SLC44A5: variants seen among roughly 807,000 people sequenced by gnomAD.
The protein encoded by SLC44A5 is choline transporter-like protein 5.
SLC44A5 carries 57 observed loss-of-function variants against 101.8 expected under a neutral mutation model. The ratio of observed to expected loss-of-function variants is 0.56; its 90% CI spans 0.45 to 0.70. The LOEUF (loss-of-function observed/expected upper bound fraction) is 0.70. SLC44A5 is among the 30% of genes least tolerant of loss of function. The pLI is 0.00. For synonymous variants in SLC44A5, 281 were observed against 290.9 expected, an observed-to-expected ratio of 0.97 and a Z score of 0.35; for missense variants, 737 against 853.1, an observed-to-expected ratio of 0.86 and a Z score of 1.70.
chr1:75,234,842 C>A lies in SLC44A5; in HGVS notation c.741-744G>T, dbSNP rs557129009. Among the ~76,000 whole-genome samples the A allele has an allele frequency of 7.2e-5, 11 of 152,090 alleles. No homozygotes were observed. In the South Asian group the frequency reaches 2.3e-3, roughly 32 times the overall value. The stretch of plus-strand genomic sequence containing the variant: ...TGAACTACTAGAGAAGCTTCTTTTC[C>A]TCCCATATATCCAGGTTAAGGTCAC... On this transcript the variant is annotated intron_variant, in intron 11 of 23. Transcript: ENST00000370859.
At chr1:75,482,858 T>C (rs1181743379) in intron 2 of SLC44A5, among the ~76,000 whole-genome samples, 1 of 152,210 alleles carries the variant, frequency 6.6e-6, no homozygotes, top group African/African-American at 2.4e-5. Context: ...TATTACTTGA[T>C]AAGGTTTTCA....
intron 2 of SLC44A5, among the ~76,000 whole-genome samples, chr1:75,520,494 G>A (rs1169452291): frequency 6.6e-6 from 1 of 152,094 alleles, no homozygotes; most frequent in Non-Finnish European, 1.5e-5. Context: ...GGATGAATGG[G>A]GGCATGAACA....
intron 1 of SLC44A5, among the ~76,000 whole-genome samples, chr1:75,591,926 C>A (rs1674377810): frequency 6.6e-6 from 1 of 152,010 alleles, no homozygotes; most frequent in Non-Finnish European, 1.5e-5. Flanking sequence ...CTAGTGTCTA[C>A]TGAATAGGGA....
At chr1:75,478,265 A>T (rs1483715614) in intron 2 of SLC44A5, among the ~76,000 whole-genome samples, 1 of 152,192 alleles carries the variant, frequency 6.6e-6, no homozygotes, top group Non-Finnish European at 1.5e-5. Flanking sequence ...CTAAACATGG[A>T]AAGGAACAAC....
intron 2 of SLC44A5, among the ~76,000 whole-genome samples, chr1:75,458,952 G>A (rs1009453859): frequency 2.6e-5 from 4 of 152,032 alleles, no homozygotes; most frequent in Non-Finnish European, 5.9e-5. Context: ...AAAATAATAC[G>A]GATCTAGAGT....
rs185174519 is a variant in SLC44A5, at chr1:75,218,334, T to C, written c.1529+156A>G. 2.3e-3 allele frequency among the ~76,000 whole-genome samples: 343 copies of C among 152,264 alleles called. 2 individuals carry two copies. Among genetic ancestry groups the C allele is most frequent in the Admixed American group, 5.4e-3 (82 of 15,274 alleles). Reference sequence around the variant, plus strand: ...CTTGGGTAGGGATTGTAAAACTGGCTATGAAACCAGACAAAACCAATGGGC... The same window carrying C: ...CTTGGGTAGGGATTGTAAAACTGGCCATGAAACCAGACAAAACCAATGGGC... On this transcript the variant is annotated intron_variant, in intron 17 of 23. Transcript: ENST00000370859.
At chr1:75,723,984 A>G in the SLC44A5 span, 1 of 152,316 alleles carries the variant, frequency 6.6e-6, no homozygotes, top group South Asian at 2.1e-4. Flanking sequence ...AAGTGACTCC[A>G]GGTAGAATTC....
At chr1:75,404,389 A>G (rs557586165) in intron 2 of SLC44A5, among the ~76,000 whole-genome samples, 45 of 152,174 alleles carry the variant, frequency 3.0e-4, no homozygotes, top group Non-Finnish European at 5.6e-4. Context: ...CCAAAGACAC[A>G]TAATCATCAG....
chr1:75,606,769 T>A (rs1675347740), intron 1 of SLC44A5, among the ~76,000 whole-genome samples: 1 of 152,054 alleles, frequency 6.6e-6, no homozygotes, highest in African/African-American at 2.4e-5. Flanking sequence ...TGATCTTACC[T>A]GACCTATGGG....
chr1:75,464,963 A>G (rs1666734571), intron 2 of SLC44A5, among the ~76,000 whole-genome samples: 1 of 152,196 alleles, frequency 6.6e-6, no homozygotes, highest in African/African-American at 2.4e-5. Flanking sequence ...CCTCACTTTC[A>G]GCCTTGGACA....
chr1:75,347,263 A>T (rs1658314734), intron 3 of SLC44A5, among the ~76,000 whole-genome samples: 1 of 152,178 alleles, frequency 6.6e-6, no homozygotes, highest in East Asian at 1.9e-4. Flanking sequence ...TGAGAATAAA[A>T]TTAAACTGCT....
intron 3 of SLC44A5, among the ~76,000 whole-genome samples, chr1:75,345,933 G>A (rs1658220562): frequency 6.6e-6 from 1 of 152,152 alleles, no homozygotes; most frequent in Non-Finnish European, 1.5e-5. Context: ...GTAGATGCCT[G>A]GCTGAGGCTG....
intron 2 of SLC44A5, among the ~76,000 whole-genome samples, chr1:75,445,460 T>G (rs1665498960): frequency 6.6e-6 from 1 of 151,198 alleles, no homozygotes; most frequent in Non-Finnish European, 1.5e-5. Flanking sequence ...TGGACTAATA[T>G]GCTCACTGTC....
intron 2 of SLC44A5, among the ~76,000 whole-genome samples, chr1:75,494,962 C>A (rs1212083854): frequency 6.6e-6 from 1 of 152,060 alleles, no homozygotes; most frequent in East Asian, 1.9e-4. Flanking sequence ...CTTCCGAGAC[C>A]ATTGAGAAAA....
rs573398829 is a variant in SLC44A5 at position 75,360,406 on chromosome 1, G to GTTT, written c.53-20777_53-20776insAAA. Among the ~76,000 whole-genome samples the GTTT allele has an allele frequency of 9.2e-3, 1,397 of 152,246 alleles. 27 individuals are homozygous for GTTT. The highest frequency in any genetic ancestry group is 0.032 in the African/African-American group (1,338 of 41,534). ...GCTGGTTTTGAACTCCTGGCTTCAA[G>GTTT]TGATCCTCCCACCTTGGCCTCTCAA... On this transcript the variant is annotated intron_variant, in intron 3 of 23. Coordinates refer to ENST00000370859, the MANE Select transcript of SLC44A5 (RefSeq NM_001130058.2).
At chr1:75,359,408 ATT>A (rs571999334) in intron 3 of SLC44A5, among the ~76,000 whole-genome samples, 54 of 129,386 alleles carry the variant, frequency 4.2e-4, no homozygotes, top group African/African-American at 1.1e-3. Context: ...TAATTTTTGT[ATT>A]TTTTTTTTTT....
chr1:75,214,799 C>T, intron 19 of SLC44A5, 121 bp from the exon 20 acceptor site: 1 of 725,840 alleles, frequency 1.4e-6, no homozygotes, highest in Non-Finnish European at 2.3e-6. Flanking sequence ...TATCTCCACT[C>T]TTTTTTCTAA....
At chr1:75,267,564 A>T (rs1651102193) in intron 6 of SLC44A5, among the ~76,000 whole-genome samples, 1 of 151,920 alleles carries the variant, frequency 6.6e-6, no homozygotes, top group African/African-American at 2.4e-5. Context: ...TTATTTTTTT[A>T]AATTCAAACA....
At chr1:75,523,213 T>G (rs1360130852) in intron 2 of SLC44A5, among the ~76,000 whole-genome samples, 1 of 152,124 alleles carries the variant, frequency 6.6e-6, no homozygotes, top group Non-Finnish European at 1.5e-5. Context: ...TGCATGAGAG[T>G]AGTACTTACC....
Sources: gnomAD v4.1 joint callset for allele counts (sites outside exome capture counted in the v4.1 genomes callset) on GRCh38, gnomAD v4.1.1 for gene constraint, MANE v1.5 for transcripts, NCBI Gene and HGNC (gene_info 2026-07-23, HGNC 2026-07-21) for gene names.